Variants in MSTO1 observed in about 807,000 individuals in gnomAD.
MSTO1 encodes misato mitochondrial distribution and morphology regulator 1.
Under a neutral mutation model 55.7 loss-of-function variants are expected in MSTO1, and 24 were observed. That is an observed-to-expected ratio of 0.43 (90% confidence interval 0.31 to 0.61). MSTO1 has a LOEUF of 0.61. Ranked by LOEUF, MSTO1 falls within the 20% of genes least tolerant of loss-of-function variation. The pLI is 0.09. For missense variants in MSTO1, 363 were observed against 625.7 expected, an observed-to-expected ratio of 0.58 and a Z score of 4.48; for synonymous variants, 162 against 252.8, an observed-to-expected ratio of 0.64 and a Z score of 3.41.
Position 155,612,689 on chromosome 1 carries a change from T to C in MSTO1, c.966+119T>C, listed in dbSNP as rs111594745. 91 of 1,412,290 alleles carry C rather than the reference T, an allele frequency of 6.4e-5. 1 individual carries two copies. The African/African-American group carries it at 1.0e-3, about 16-fold the overall frequency. The allele number at this position is 1,412,290 out of a possible 1,614,324, so 87.5% of individuals were successfully genotyped here. A position where few individuals can be genotyped will look rare whatever the true frequency, so the allele number is the denominator to read the frequency against. On this transcript the variant is annotated intron_variant, in intron 9 of 13. Transcript: ENST00000245564. ...GGCCCGAGCTTGAACTCAGCTGTGA[T>C]GTGGCCTCTCAGATCACACTGTCCT...
the MSTO1 span, chr1:155,591,023 G>A: frequency 4.9e-4 from 793 of 1,613,878 alleles, 2 homozygotes; most frequent in African/African-American, 7.0e-3. Flanking sequence ...CAGACGGCAC[G>A]TGCAGCCTGC....
In MSTO1 at chr1:155,614,681, G is replaced by A. The variant is rs939757364; in HGVS notation, c.*408G>A. The A allele has an allele frequency of 1.8e-5, 28 of 1,545,666 alleles. 1 individual carries two copies. The highest frequency in any genetic ancestry group is 1.3e-4 in the South Asian group (12 of 89,312). On this transcript the variant is annotated 3_prime_UTR_variant, in exon 14 of 14. Transcript: ENST00000245564. ...CTACCCGCCTCCCCGGTGCCAGGGC[G>A]CCTGTTGGGTTTGGTCCTGTGTAGA... is the stretch of plus-strand genomic sequence containing the variant.
the MSTO1 span, among the ~76,000 whole-genome samples, chr1:155,568,671 C>T: frequency 6.6e-6 from 1 of 151,936 alleles, no homozygotes; most frequent in Non-Finnish European, 1.5e-5. Flanking sequence ...AACTCCTGAC[C>T]TTGTGATCCA....
At chr1:155,613,337 C>T (rs1208627731) in intron 11 of MSTO1, 104 bp downstream of exon 11, 3 of 1,570,054 alleles carry the variant, frequency 1.9e-6, no homozygotes, top group South Asian at 2.4e-5. Context: ...CCTCCCCACC[C>T]CTTAAAAAGG....
At chr1:155,566,209 CCTT>C in the MSTO1 span, 2 of 152,170 alleles carry the variant, frequency 1.3e-5, no homozygotes, top group African/African-American at 4.8e-5. Context: ...TCCAACAGTG[CCTT>C]CTTGTGTGAG....
chr1:155,588,704 G>T, the MSTO1 span, among the ~76,000 whole-genome samples: 1 of 152,048 alleles, frequency 6.6e-6, no homozygotes, highest in Non-Finnish European at 1.5e-5. Context: ...ATTTCAGTAT[G>T]GTGCTCTTAC....
chr1:155,608,893 C>T (rs529684568), upstream of MSTO1, among the ~76,000 whole-genome samples: 244 of 150,830 alleles, frequency 1.6e-3, no homozygotes, highest in Non-Finnish European at 2.9e-3. Context: ...GGCGTGATAT[C>T]GGCTCACTGC....
At chr1:155,582,553 G>T in the MSTO1 span, among the ~76,000 whole-genome samples, 3 of 151,748 alleles carry the variant, frequency 2.0e-5, no homozygotes, top group Admixed American at 6.6e-5. Flanking sequence ...TCTGCCTCCC[G>T]GGTTCAAGCA....
chr1:155,601,646 G>T, the MSTO1 span, among the ~76,000 whole-genome samples: 2 of 152,092 alleles, frequency 1.3e-5, no homozygotes, highest in East Asian at 3.8e-4. Context: ...AAAAAGAAAA[G>T]AAATATATAT....
At chr1:155,600,211 G>A in the MSTO1 span, among the ~76,000 whole-genome samples, 2 of 152,216 alleles carry the variant, frequency 1.3e-5, no homozygotes, top group African/African-American at 4.8e-5. Context: ...GCGGGCTTCC[G>A]CAGTGTTTTG....
At chr1:155,571,991 A>G in the MSTO1 span, among the ~76,000 whole-genome samples, 5,967 of 151,744 alleles carry the variant, frequency 0.039, 398 homozygotes, top group African/African-American at 0.14. Flanking sequence ...GCAGTGAGCC[A>G]AGATTGCGCC....
At chr1:155,608,508 T>C (rs1270638223), upstream of MSTO1, among the ~76,000 whole-genome samples, 2 of 150,054 alleles carry the variant, frequency 1.3e-5, no homozygotes, top group African/African-American at 2.5e-5. Flanking sequence ...TTTTTTTTTT[T>C]TTTTTTTTTG....
chr1:155,611,712 A>T lies in MSTO1; in HGVS notation c.445A>T (p.Thr149Ser). 1 of 912,440 alleles carries T rather than the reference A, an allele frequency of 1.1e-6. No homozygotes were observed. The highest frequency in any genetic ancestry group is 1.6e-5 in the South Asian group (1 of 64,374). The allele number at this position is 912,440 out of a possible 1,614,324, so 56.5% of individuals were successfully genotyped here. ...AGGTTCCTCACCACTCCCCACCGCT[A>T]CAACTCCAAAACCACTTATCCCTAC... ...GKGSSPLPTATTPKPLIPTEA... is the reference protein window; with the variant it reads ...GKGSSPLPTASTPKPLIPTEA... Residue 149 changes from threonine (T) to serine (S), a missense_variant, in exon 6 of 14, where the codon ACA becomes TCA. By Grantham distance (58) the Thr-to-Ser change is moderately conservative. Coordinates refer to ENST00000245564, the MANE Select transcript of MSTO1 (RefSeq NM_018116.4).
chr1:155,613,973 A>T, intron 13 of MSTO1, 86 bp from the exon 14 acceptor site: 1 of 1,575,982 alleles, frequency 6.3e-7, no homozygotes, highest in Non-Finnish European at 8.6e-7. Context: ...CAAGTCTACT[A>T]AGGTTGGACT....
At chr1:155,594,658 C>T in the MSTO1 span, among the ~76,000 whole-genome samples, 1 of 151,764 alleles carries the variant, frequency 6.6e-6, no homozygotes, top group Non-Finnish European at 1.5e-5. Flanking sequence ...CACTGCATTG[C>T]CCATCCTGAT....
chr1:155,568,199 C>T, the MSTO1 span, among the ~76,000 whole-genome samples: 3 of 150,266 alleles, frequency 2.0e-5, no homozygotes, highest in African/African-American at 7.3e-5. Context: ...CCTGCCTCAT[C>T]CTCCCAAGTA....
At chr1:155,569,356 C>T in the MSTO1 span, among the ~76,000 whole-genome samples, 5 of 149,924 alleles carry the variant, frequency 3.3e-5, no homozygotes, top group South Asian at 2.1e-4. Context: ...AGGGTGGTCT[C>T]GATCTCCTGA....
the MSTO1 span, among the ~76,000 whole-genome samples, chr1:155,595,125 G>A: frequency 4.1e-5 from 6 of 144,888 alleles, no homozygotes; most frequent in South Asian, 6.6e-4. Context: ...GCGACAGAGC[G>A]AGATTCTGTC....
At chr1:155,575,018 C>T in the MSTO1 span, among the ~76,000 whole-genome samples, 7 of 151,960 alleles carry the variant, frequency 4.6e-5, no homozygotes, top group Non-Finnish European at 8.8e-5. Context: ...AGGCATGCGC[C>T]GCCATGCCCA....
Sources: allele counts gnomAD v4.1 joint callset (sites outside exome capture counted in the v4.1 genomes callset), GRCh38; gene constraint gnomAD v4.1.1; transcripts MANE v1.5; gene names NCBI Gene and HGNC (gene_info 2026-07-23, HGNC 2026-07-21).